The following SNTG1 variants were observed in gnomAD, a reference collection of about 807,000 sequenced individuals.
The protein encoded by SNTG1 is syntrophin gamma 1.
In SNTG1, 39 loss-of-function variants were observed where a neutral mutation model predicts 74.7. The observed-to-expected ratio is 0.52, with a 90% confidence interval of 0.40 to 0.68. The LOEUF is 0.68. SNTG1 is among the 30% of genes least tolerant of loss of function. The pLI is 0.00. For synonymous variants in SNTG1, 254 were observed against 217.1 expected (o/e 1.17, Z -1.49); for missense variants, 685 against 609.5 (o/e 1.12, Z -1.30).
chr8:50,264,497 G>A (rs991914330), intron 2 of SNTG1, among the ~76,000 whole-genome samples: 39 of 151,722 alleles, frequency 2.6e-4, no homozygotes, highest in African/African-American at 8.7e-4. Flanking sequence ...TTGAATCCAG[G>A]AGGCAGAAGT....
chr8:50,612,010 G>A (rs1160283139), intron 13 of SNTG1, among the ~76,000 whole-genome samples: 4 of 151,930 alleles, frequency 2.6e-5, no homozygotes, highest in African/African-American at 9.7e-5. Flanking sequence ...CATCTGCCTC[G>A]GCCTCCCAAA....
At chr8:50,780,273 G>T (rs1422599857) in intron 18 of SNTG1, among the ~76,000 whole-genome samples, 1 of 152,156 alleles carries the variant, frequency 6.6e-6, no homozygotes, top group Non-Finnish European at 1.5e-5. Flanking sequence ...GTTTCAGAAG[G>T]AATGGTACCA....
chr8:50,520,885 C>T (rs181239350), intron 9 of SNTG1, among the ~76,000 whole-genome samples: 12 of 152,122 alleles, frequency 7.9e-5, no homozygotes, highest in African/African-American at 2.2e-4. Context: ...GGATCTAGAA[C>T]GAGAAATACA....
At chr8:50,662,785 A>G (rs536576256) in intron 15 of SNTG1, among the ~76,000 whole-genome samples, 2 of 151,458 alleles carry the variant, frequency 1.3e-5, no homozygotes, top group South Asian at 2.1e-4. Context: ...ATTGGGCACT[A>G]TGAACTTCAG....
intron 10 of SNTG1, 72 bp downstream of exon 10, chr8:50,530,331 T>C (rs111374001): frequency 7.4e-7 from 1 of 1,351,706 alleles, no homozygotes; most frequent in Non-Finnish European, 1.1e-6. Context: ...CTAGTGAATC[T>C]GATTTATCTG....
chr8:50,106,915 G>T (rs1469472269), intron 1 of SNTG1, among the ~76,000 whole-genome samples: 22 of 152,076 alleles, frequency 1.4e-4, no homozygotes, highest in Admixed American at 1.4e-3. Flanking sequence ...AATTCATACT[G>T]CCATAAACAG....
chr8:50,149,952 G>A (rs1435715716), intron 1 of SNTG1, among the ~76,000 whole-genome samples: 1 of 152,136 alleles, frequency 6.6e-6, no homozygotes, highest in African/African-American at 2.4e-5. Context: ...TAGCTTGATG[G>A]GGATGGCATT....
At chr8:50,665,674 T>C (rs1314135066) in intron 15 of SNTG1, among the ~76,000 whole-genome samples, 2 of 152,092 alleles carry the variant, frequency 1.3e-5, no homozygotes, top group East Asian at 1.9e-4. Context: ...ATGATGGAGA[T>C]AGATGAAAAG....
chr8:50,551,895 T>C (rs1362804910), intron 11 of SNTG1, among the ~76,000 whole-genome samples: 1 of 152,144 alleles, frequency 6.6e-6, no homozygotes, highest in East Asian at 1.9e-4. Flanking sequence ...CCCAAGGCCT[T>C]ACCATGTGCC....
At chr8:50,311,498 G>A (rs1415570720) in intron 2 of SNTG1, among the ~76,000 whole-genome samples, 2 of 152,188 alleles carry the variant, frequency 1.3e-5, no homozygotes, top group Admixed American at 1.3e-4. Flanking sequence ...ACATTGAGTA[G>A]GTTGTGTGCC....
At chr8:50,760,049 A>G (rs1022585933) in intron 18 of SNTG1, among the ~76,000 whole-genome samples, 4 of 152,036 alleles carry the variant, frequency 2.6e-5, no homozygotes, top group Non-Finnish European at 5.9e-5. Flanking sequence ...CTCCTTGAAG[A>G]GGTCCTTCAT....
intron 2 of SNTG1, among the ~76,000 whole-genome samples, chr8:50,341,145 G>A (rs1027845105): frequency 6.6e-6 from 1 of 151,878 alleles, no homozygotes; most frequent in African/African-American, 2.4e-5. Flanking sequence ...CTTAAATAGA[G>A]AGGTTTAGTA....
chr8:50,140,639 G>T (rs1303784715), intron 1 of SNTG1, among the ~76,000 whole-genome samples: 1 of 152,104 alleles, frequency 6.6e-6, no homozygotes. Context: ...GTGTTTTTGA[G>T]TGTGTGTGCA....
intron 2 of SNTG1, among the ~76,000 whole-genome samples, chr8:50,228,594 A>G (rs919808086): frequency 3.3e-5 from 5 of 151,882 alleles, no homozygotes; most frequent in Admixed American, 2.0e-4. Context: ...CTCATCAAAA[A>G]CCAACCCAGC....
chr8:50,770,520 TG>T (rs1563822934), intron 18 of SNTG1, among the ~76,000 whole-genome samples: 1 of 152,036 alleles, frequency 6.6e-6, no homozygotes, highest in Non-Finnish European at 1.5e-5. Flanking sequence ...CTGAAGGGTG[TG>T]GGCTGGGCTT....
rs536645762 is a variant in SNTG1, at chr8:50,625,642, G to C, written c.850-31267G>C. 1.9e-4 allele frequency among the ~76,000 whole-genome samples: 29 copies of C among 152,238 alleles called. 1 individual carries two copies. The South Asian group carries it at 5.8e-3, about 30-fold the overall frequency. ...CCACTCACACTTGTGAAGTCAACTT[G>C]CTAAAAGTAAATGAATACTTTAAAT... On this transcript the variant is annotated intron_variant, in intron 13 of 18. Transcript: ENST00000642720.
At position 50,037,581 on chromosome 8, in the gene SNTG1, T is replaced by C. The variant is rs1818270905; in HGVS notation, c.-103+125350T>C. On this transcript the variant is annotated intron_variant, in intron 1 of 18. Coordinates refer to ENST00000642720, the MANE Select transcript of SNTG1 (RefSeq NM_018967.5). ...TAATGTGAATTTAAAATTATCCTGC[T>C]TCTCCTAATATATGTTGTGTATTTT... Among the ~76,000 whole-genome samples, 2 of 152,254 alleles carry C rather than the reference T, an allele frequency of 1.3e-5. 1 individual carries two copies. Among genetic ancestry groups the C allele is most frequent in the Admixed American group, 1.3e-4 (2 of 15,294 alleles).
chr8:50,657,159 C>A, intron 14 of SNTG1, 134 bp downstream of exon 14: 1 of 448,038 alleles, frequency 2.2e-6, no homozygotes, highest in Non-Finnish European at 3.9e-6. Flanking sequence ...ATCAGTTTAT[C>A]TGATTTAACT....
At chr8:49,918,865 T>A (rs1355195885) in intron 1 of SNTG1, among the ~76,000 whole-genome samples, 4 of 152,116 alleles carry the variant, frequency 2.6e-5, no homozygotes, top group Non-Finnish European at 5.9e-5. Context: ...AGTGACAAAA[T>A]CCCAGCTTAA....
Sources: gnomAD v4.1 joint callset for allele counts (sites outside exome capture counted in the v4.1 genomes callset) on GRCh38, gnomAD v4.1.1 for gene constraint, MANE v1.5 for transcripts, NCBI Gene and HGNC (gene_info 2026-07-23, HGNC 2026-07-21) for gene names.